Variants in ADAMTS18 observed in about 807,000 individuals in gnomAD.
ADAMTS18 encodes A disintegrin and metalloproteinase with thrombospondin motifs 18.
ADAMTS18 carries 157 observed loss-of-function variants against 165.9 expected under a neutral mutation model. That is an observed-to-expected ratio of 0.95 (90% CI 0.83 to 1.08). The LOEUF is 1.08. Ranked by LOEUF, ADAMTS18 falls within the 50% of genes least tolerant of loss-of-function variation. The pLI is 0.00. For missense variants in ADAMTS18, 2,040 were observed against 1,534.0 expected (o/e 1.33, Z -5.51); for synonymous variants, 782 against 578.2 (o/e 1.35, Z -5.06).
intron 10 of ADAMTS18, among the ~76,000 whole-genome samples, chr16:77,347,901 T>G (rs1439497364): frequency 2.0e-5 from 3 of 152,158 alleles, no homozygotes; most frequent in African/African-American, 7.2e-5. Flanking sequence ...GTACTTTAGA[T>G]TTCTTATCTA....
chr16:77,401,960 C>T lies in ADAMTS18; in HGVS notation c.495+29335G>A, dbSNP rs902687677. Among the ~76,000 whole-genome samples, 11 of 152,270 alleles carry T rather than the reference C, an allele frequency of 7.2e-5. No individual in the cohort carries two copies. In the East Asian group the frequency reaches 1.5e-3, roughly 21 times the overall value. Reference sequence around the variant, plus strand: ...CTTGGAGTAAGAGTTACACCTTTGGCTCCCTTGGGTTTCAGGTGTTCGGAC... The same window carrying T: ...CTTGGAGTAAGAGTTACACCTTTGGTTCCCTTGGGTTTCAGGTGTTCGGAC... On this transcript the variant is annotated intron_variant, in intron 3 of 22. Coordinates refer to ENST00000282849, the MANE Select transcript of ADAMTS18 (RefSeq NM_199355.4).
At chr16:77,367,396 C>T (rs781059516) in intron 4 of ADAMTS18, 45 bp downstream of exon 4, 23 of 1,611,748 alleles carry the variant, frequency 1.4e-5, no homozygotes, top group South Asian at 2.2e-5. Context: ...GAAAACCTGT[C>T]GAGGCCCACA....
At chr16:77,296,571 G>A (rs1039894842) in intron 18 of ADAMTS18, among the ~76,000 whole-genome samples, 22 of 152,126 alleles carry the variant, frequency 1.4e-4, no homozygotes, top group African/African-American at 4.8e-4. Context: ...AGCACCTCAC[G>A]CCTGTAATGC....
intron 3 of ADAMTS18, among the ~76,000 whole-genome samples, chr16:77,427,865 T>C (rs1378725626): frequency 6.6e-6 from 1 of 152,220 alleles, no homozygotes; most frequent in Non-Finnish European, 1.5e-5. Flanking sequence ...AGGCTAACAG[T>C]CTGCTAGCAA....
intron 3 of ADAMTS18, among the ~76,000 whole-genome samples, chr16:77,407,645 T>C (rs1390305959): frequency 2.6e-5 from 4 of 152,028 alleles, no homozygotes; most frequent in African/African-American, 9.7e-5. Context: ...AACCAACACA[T>C]ACACAATCAC....
At chr16:77,331,219 G>C (rs570953987) in intron 12 of ADAMTS18, among the ~76,000 whole-genome samples, 2 of 152,258 alleles carry the variant, frequency 1.3e-5, no homozygotes, top group East Asian at 1.9e-4. Flanking sequence ...AGATATGAGA[G>C]AGGTTTTAAT....
At chr16:77,416,144 G>A (rs1652659872) in intron 3 of ADAMTS18, among the ~76,000 whole-genome samples, 1 of 152,136 alleles carries the variant, frequency 6.6e-6, no homozygotes, top group Non-Finnish European at 1.5e-5. Flanking sequence ...ATTCTGGAAT[G>A]ACAGTATTTG....
At chr16:77,316,516 T>C (rs1032596405) in intron 16 of ADAMTS18, among the ~76,000 whole-genome samples, 2 of 152,180 alleles carry the variant, frequency 1.3e-5, no homozygotes, top group African/African-American at 4.8e-5. Context: ...GTTAATGGGA[T>C]GAAATCCAAA....
intron 3 of ADAMTS18, among the ~76,000 whole-genome samples, chr16:77,414,564 G>A (rs764626526): frequency 1.7e-4 from 26 of 151,842 alleles, no homozygotes; most frequent in Non-Finnish European, 3.4e-4. Flanking sequence ...AATTATATCG[G>A]TTGACTTGCA....
chr16:77,417,123 C>A (rs1022300372), intron 3 of ADAMTS18, among the ~76,000 whole-genome samples: 1 of 139,986 alleles, frequency 7.1e-6, no homozygotes, highest in Non-Finnish European at 1.6e-5. Flanking sequence ...CTTATGACAT[C>A]ATTACTGCTC....
At chr16:77,398,713 G>A (rs567345937) in intron 3 of ADAMTS18, among the ~76,000 whole-genome samples, 1 of 152,104 alleles carries the variant, frequency 6.6e-6, no homozygotes. Context: ...GATGACCTTA[G>A]TACACACCCC....
intron 3 of ADAMTS18, among the ~76,000 whole-genome samples, chr16:77,424,384 C>G (rs2057644497): frequency 6.6e-6 from 1 of 151,978 alleles, no homozygotes; most frequent in Non-Finnish European, 1.5e-5. Flanking sequence ...AGGAGAATTG[C>G]TCGAACCCGT....
chr16:77,325,689 A>C (rs189343504), intron 13 of ADAMTS18, among the ~76,000 whole-genome samples, 177 bp downstream of exon 13: 71 of 152,024 alleles, frequency 4.7e-4, no homozygotes, highest in African/African-American at 1.4e-3. Context: ...AAAAAAAAAA[A>C]AACAACAGTG....
chr16:77,351,060 T>A (rs1052652715), intron 10 of ADAMTS18, among the ~76,000 whole-genome samples: 4 of 152,164 alleles, frequency 2.6e-5, no homozygotes, highest in Non-Finnish European at 5.9e-5. Context: ...CTAGACAGGA[T>A]GAATAAGAGA....
At chr16:77,341,129 A>G (rs1332506349) in intron 11 of ADAMTS18, among the ~76,000 whole-genome samples, 1 of 152,214 alleles carries the variant, frequency 6.6e-6, no homozygotes, top group East Asian at 1.9e-4. Context: ...TTCATTAAAA[A>G]TATTGAGATC....
intron 17 of ADAMTS18, 122 bp downstream of exon 17, chr16:77,300,141 G>T: frequency 1.7e-6 from 2 of 1,181,466 alleles, no homozygotes. Flanking sequence ...TATGGTGATG[G>T]TTCTCATAAA....
intron 3 of ADAMTS18, among the ~76,000 whole-genome samples, chr16:77,390,651 C>T (rs1039570367): frequency 6.6e-6 from 1 of 151,274 alleles, no homozygotes; most frequent in Non-Finnish European, 1.5e-5. Flanking sequence ...GATCGCACCA[C>T]TGCACTTCAG....
rs1304202266 is a variant in ADAMTS18, at chr16:77,295,082, T to C, written c.2847A>G (p.Gly949=). The C allele has an allele frequency of 2.5e-6, 4 of 1,614,206 alleles. No homozygotes were observed. Among genetic ancestry groups the C allele is most frequent in the Admixed American group, 3.3e-5 (2 of 60,028 alleles). ...ACTGGATCTTTCGGCTCTGCTGGCC[T>C]CCAGCACAGGCCTTGCTGCATGTAC... ...EWSTCSKACA[G]GQQSRKIQCV... The change falls in exon 19 of 23, where the codon GGA becomes GGG. Residue 949 remains glycine (G), a synonymous_variant. Coordinates refer to ENST00000282849, the MANE Select transcript of ADAMTS18 (RefSeq NM_199355.4).
At chr16:77,429,058 A>C (rs1207743999) in intron 3 of ADAMTS18, among the ~76,000 whole-genome samples, 1 of 152,210 alleles carries the variant, frequency 6.6e-6, no homozygotes, top group African/African-American at 2.4e-5. Context: ...TAAAAGCAGA[A>C]ATACCATTCA....
Sources: allele counts gnomAD v4.1 joint callset (sites outside exome capture counted in the v4.1 genomes callset), GRCh38; gene constraint gnomAD v4.1.1; transcripts MANE v1.5; gene names NCBI Gene and HGNC (gene_info 2026-07-23, HGNC 2026-07-21).